Variants in KCNQ1OT1 observed in about 807,000 individuals in gnomAD.
KCNQ1OT1 encodes the protein KCNQ1 antisense RNA 2 (non-protein coding).
Position 2,674,657 on chromosome 11 carries a change from T to C in KCNQ1OT1, n.25338A>G. The C allele has an allele frequency of 2.5e-6, 1 of 398,530 alleles. No homozygotes were observed. The highest frequency in any genetic ancestry group is 4.4e-6 in the Non-Finnish European group (1 of 226,046). 24.7% of individuals were successfully genotyped at this position (398,530 alleles called of 1,614,324 possible). The stretch of plus-strand genomic sequence containing the variant: ...CCTTTGAATTGGAAAGCCAGAACTT[T>C]TTGCAAAATAATTTGAAAAGTTTGT... On this transcript the variant is annotated non_coding_transcript_exon_variant, in exon 1 of 1. Coordinates refer to ENST00000597346, the Ensembl canonical transcript of KCNQ1OT1. The surrounding 1 kb of genome is among the most constrained non-coding windows in gnomAD (Gnocchi z 5.9).
chr11:2,692,440 C>T (rs1295068961), exon 1 of KCNQ1OT1: 2 of 398,570 alleles, frequency 5.0e-6, no homozygotes, highest in African/African-American at 4.1e-5. Flanking sequence ...AGTTTAGAGA[C>T]CTGTGGGTCT....
At chr11:2,656,187 T>G (rs774153701) in exon 1 of KCNQ1OT1, 23 of 398,430 alleles carry the variant, frequency 5.8e-5, no homozygotes, top group Non-Finnish European at 9.7e-5. Context: ...CTTTCTTCCT[T>G]CCTTTAAAAA....
chr11:2,641,273 C>G, exon 1 of KCNQ1OT1: 1 of 398,466 alleles, frequency 2.5e-6, no homozygotes, highest in South Asian at 1.3e-4. Context: ...TACATTCCCA[C>G]CAACAGTGTA....
rs61588088 is a variant in KCNQ1OT1 at position 2,695,328 on chromosome 11, T to TTGTGTG, written n.4661_4666dup. 2.9e-4 allele frequency: 114 copies of TTGTGTG among 393,958 alleles called. No individual in the cohort carries two copies. The East Asian group carries it at 3.0e-3, about 10-fold the overall frequency. The allele number at this position is 393,958 out of a possible 1,614,324, so 24.4% of individuals were successfully genotyped here. On this transcript the variant is annotated non_coding_transcript_exon_variant, in exon 1 of 1. Coordinates refer to ENST00000597346, the Ensembl canonical transcript of KCNQ1OT1. The surrounding 1 kb of genome is among the most constrained non-coding windows in gnomAD (Gnocchi z 5.2). ...TCTCCAGGGTAATTTATTTATATCA[T>TTGTGTG]TGTGTGTGTGTGTGTGCACTCACGA...
At position 2,682,155 on chromosome 11, in the gene KCNQ1OT1, TA is replaced by T; in HGVS notation, n.17839del. On this transcript the variant is annotated non_coding_transcript_exon_variant, in exon 1 of 1. Coordinates refer to ENST00000597346, the Ensembl canonical transcript of KCNQ1OT1. The surrounding 1 kb of genome is among the most constrained non-coding windows in gnomAD (Gnocchi z 5.8). The stretch of plus-strand genomic sequence containing the variant: ...AGCTCATCAAATATTCTTTCAGTAT[TA>T]AACATATCAAGCTCTCTCCTGACCT... 1 of 398,468 alleles carries T rather than the reference TA, an allele frequency of 2.5e-6. No individual in the cohort carries two copies. Among genetic ancestry groups the T allele is most frequent in the Non-Finnish European group, 4.4e-6 (1 of 226,092 alleles). The allele number at this position is 398,468 out of a possible 1,614,324, so 24.7% of individuals were successfully genotyped here.
chr11:2,681,218 G>A, exon 1 of KCNQ1OT1: 1 of 398,636 alleles, frequency 2.5e-6, no homozygotes, highest in Non-Finnish European at 4.4e-6. Context: ...TCTATGAAGA[G>A]TGGGTAGAAG....
chr11:2,675,863 C>T, exon 1 of KCNQ1OT1: 1 of 398,718 alleles, frequency 2.5e-6, no homozygotes, highest in Non-Finnish European at 4.4e-6. Context: ...CAACACCTGC[C>T]TTCTGGGGAG....
Position 2,676,071 on chromosome 11 carries a change from A to G in KCNQ1OT1, n.23924T>C, listed in dbSNP as rs985542959. The G allele has an allele frequency of 2.0e-5, 8 of 398,572 alleles. No individual in the cohort carries two copies. Among genetic ancestry groups the G allele is most frequent in the Admixed American group, 8.8e-5 (2 of 22,728 alleles). 24.7% of individuals were successfully genotyped at this position (398,572 alleles called of 1,614,324 possible). A position where few individuals can be genotyped will look rare whatever the true frequency, so the allele number is the denominator to read the frequency against. On this transcript the variant is annotated non_coding_transcript_exon_variant, in exon 1 of 1. Transcript: ENST00000597346. The surrounding 1 kb of genome is among the most constrained non-coding windows in gnomAD (Gnocchi z 4.2). ...GCATCTTTCCAGACGTATTTTATATAAACAAATATACGTGTGTCTGTGTGT... is the reference window on the plus strand; with the variant it reads ...GCATCTTTCCAGACGTATTTTATATGAACAAATATACGTGTGTCTGTGTGT...
At position 2,695,905 on chromosome 11, in the gene KCNQ1OT1, T is replaced by G; in HGVS notation, n.4090A>C. 1 of 398,688 alleles carries G rather than the reference T, an allele frequency of 2.5e-6. No homozygotes were observed. Among genetic ancestry groups the G allele is most frequent in the Non-Finnish European group, 4.4e-6 (1 of 226,070 alleles). 24.7% of individuals were successfully genotyped at this position (398,688 alleles called of 1,614,324 possible). A position where few individuals can be genotyped will look rare whatever the true frequency, so the allele number is the denominator to read the frequency against. On this transcript the variant is annotated non_coding_transcript_exon_variant, in exon 1 of 1. Coordinates refer to ENST00000597346, the Ensembl canonical transcript of KCNQ1OT1. The surrounding 1 kb of genome is among the most constrained non-coding windows in gnomAD (Gnocchi z 5.2). ...AACTGGCAATCTTCCTACCTTTTTC[T>G]TAATGATTTGTGGTGCTTTCTGGTA...
exon 1 of KCNQ1OT1, chr11:2,649,408 A>C (rs552517870): frequency 5.0e-6 from 2 of 398,310 alleles, no homozygotes; most frequent in African/African-American, 4.1e-5. Flanking sequence ...TCATGATGGT[A>C]GATATCATCC....
chr11:2,616,038 G>C, exon 1 of KCNQ1OT1: 4 of 397,948 alleles, frequency 1.0e-5, no homozygotes, highest in Non-Finnish European at 1.8e-5. Context: ...CTTTCTACTT[G>C]TTATGGGTCT....
At chr11:2,688,014 C>T (rs902816578) in exon 1 of KCNQ1OT1, 11 of 398,712 alleles carry the variant, frequency 2.8e-5, no homozygotes, top group African/African-American at 2.1e-4. Flanking sequence ...GGGTCAGCAC[C>T]CCTCTAGGCT....
At chr11:2,667,921 T>G (rs149323226) in exon 1 of KCNQ1OT1, 1 of 398,546 alleles carries the variant, frequency 2.5e-6, no homozygotes, top group African/African-American at 2.1e-5. Context: ...CTGGGACCCA[T>G]GTGTGCAGCA....
At chr11:2,644,351 TG>T in exon 1 of KCNQ1OT1, 2 of 398,344 alleles carry the variant, frequency 5.0e-6, no homozygotes, top group Non-Finnish European at 4.4e-6. Context: ...TTCTGCTTGT[TG>T]TGGTCTGTTA....
chr11:2,609,037 CTAATATT>C (rs2133787976), exon 1 of KCNQ1OT1: 2 of 398,206 alleles, frequency 5.0e-6, no homozygotes, highest in South Asian at 1.3e-4. Flanking sequence ...TATTTCTACT[CTAATATT>C]TATTATTTTG....
In KCNQ1OT1 at chr11:2,621,947, G is replaced by A. The variant is rs1849179302; in HGVS notation, n.78048C>T. The A allele has an allele frequency of 2.5e-6, 1 of 397,974 alleles. No homozygotes were observed. Among genetic ancestry groups the A allele is most frequent in the South Asian group, 1.3e-4 (1 of 7,846 alleles). 24.7% of individuals were successfully genotyped at this position (397,974 alleles called of 1,614,324 possible). A position where few individuals can be genotyped will look rare whatever the true frequency, so the allele number is the denominator to read the frequency against. On this transcript the variant is annotated non_coding_transcript_exon_variant, in exon 1 of 1. Coordinates refer to ENST00000597346, the Ensembl canonical transcript of KCNQ1OT1. This position sits in a 1 kb window ranked among gnomAD's most constrained non-coding sequence, Gnocchi z 5.7. ...TTTGTTCTTCTTTTTCTAATTCCTT[G>A]AGGTACAATTTTGGGCTATTTGAAA... is the stretch of plus-strand genomic sequence containing the variant.
exon 1 of KCNQ1OT1, chr11:2,692,927 C>T (rs534323912): frequency 2.3e-5 from 9 of 398,666 alleles, no homozygotes; most frequent in African/African-American, 1.4e-4. Flanking sequence ...GCCTATGTCC[C>T]AAGCAGGTTG....
rs143103324 is a variant in KCNQ1OT1, at chr11:2,663,162, C to T, written n.36833G>A. 3,890 of 398,692 alleles carry T rather than the reference C, an allele frequency of 9.8e-3. 35 individuals are homozygous for T. Among genetic ancestry groups the T allele is most frequent in the Middle Eastern group, 0.021 (34 of 1,588 alleles). The allele number at this position is 398,692 out of a possible 1,614,324, so 24.7% of individuals were successfully genotyped here. A position where few individuals can be genotyped will look rare whatever the true frequency, so the allele number is the denominator to read the frequency against. On this transcript the variant is annotated non_coding_transcript_exon_variant, in exon 1 of 1. Transcript: ENST00000597346. The surrounding 1 kb of genome is among the most constrained non-coding windows in gnomAD (Gnocchi z 5.2). ...ACCTGCCCACTGTCTTTCCAGGCCCCCCCAGTTCACAGAGAGGTTGGCAGT... is the reference window on the plus strand; with the variant it reads ...ACCTGCCCACTGTCTTTCCAGGCCCTCCCAGTTCACAGAGAGGTTGGCAGT...
chr11:2,688,254 G>T, exon 1 of KCNQ1OT1: 2 of 398,736 alleles, frequency 5.0e-6, no homozygotes, highest in Non-Finnish European at 8.8e-6. Context: ...TTTGATCTGA[G>T]AGGGAGGCGC....
Sources: allele counts gnomAD v4.1 joint callset, GRCh38; gene constraint gnomAD v4.1.1; non-coding constraint Gnocchi (gnomAD v3.1); transcripts MANE v1.5; gene names NCBI Gene and HGNC (gene_info 2026-07-23, HGNC 2026-07-21).